AGT: variants seen among roughly 807,000 people sequenced by gnomAD.
AGT encodes angiotensinogen.
A neutral mutation model predicts 28.1 loss-of-function variants in AGT; 26 were observed. That is an observed-to-expected ratio of 0.92 (90% CI 0.68 to 1.28). The LOEUF (loss-of-function observed/expected upper bound fraction) is 1.28, where lower values mean the gene tolerates loss of function less well. Ranked by LOEUF, AGT falls within the 50% of genes most tolerant of loss-of-function variation. AGT has a pLI of 0.00. For missense variants in AGT, 596 were observed against 592.3 expected, an observed-to-expected ratio of 1.01 and a Z score of -0.06; for synonymous variants, 259 against 259.6, an observed-to-expected ratio of 1.00 and a Z score of 0.02.
At chr1:230,732,127 G>A (rs1476100323) in intron 1 of AGT, among the ~76,000 whole-genome samples, 7 of 151,950 alleles carry the variant, frequency 4.6e-5, no homozygotes, top group Admixed American at 3.3e-4. Flanking sequence ...CTTATGTGCT[G>A]GTTTATGTAC....
chr1:230,719,430 C>T (rs796739221), upstream of AGT, among the ~76,000 whole-genome samples: 1,708 of 67,644 alleles, frequency 0.025, 51 homozygotes, highest in African/African-American at 0.15. Context: ...TTTTTTGAGA[C>T]GGAGTCTCGC....
chr1:230,724,946 A>G (rs1663912657), intron 1 of AGT, among the ~76,000 whole-genome samples: 1 of 152,218 alleles, frequency 6.6e-6, no homozygotes, highest in Non-Finnish European at 1.5e-5. Context: ...GGATCTGGCC[A>G]TAAAAGAAAA....
chr1:230,736,424 C>G (rs1304180389), intron 1 of AGT, among the ~76,000 whole-genome samples: 1 of 152,030 alleles, frequency 6.6e-6, no homozygotes, highest in African/African-American at 2.4e-5. Context: ...GAGGCTGAGG[C>G]AGGAGAATGG....
At position 230,731,504 on chromosome 1, in the gene AGT, A is replaced by G. The variant is rs563658296; in HGVS notation, c.-31+14011T>C. Among the ~76,000 whole-genome samples, 16 of 152,236 alleles carry G rather than the reference A, an allele frequency of 1.1e-4. 1 individual carries two copies. The South Asian group carries it at 3.3e-3, about 32-fold the overall frequency. ...CGACCTGGCTGCTGCCCTTCTCTCTACAGCCTTGGACCATGCACCTCCTTG... is the reference window on the plus strand; with the variant it reads ...CGACCTGGCTGCTGCCCTTCTCTCTGCAGCCTTGGACCATGCACCTCCTTG... On this transcript the variant is annotated intron_variant, in intron 1 of 4. Transcript: ENST00000681269.
intron 1 of AGT, among the ~76,000 whole-genome samples, chr1:230,713,395 A>G (rs1663649448): frequency 6.6e-6 from 1 of 152,206 alleles, no homozygotes; most frequent in African/African-American, 2.4e-5. Context: ...ACTAGGACTC[A>G]GAACCAGGCC....
chr1:230,744,858 C>G (rs888109504), intron 1 of AGT, among the ~76,000 whole-genome samples: 3 of 152,144 alleles, frequency 2.0e-5, no homozygotes, highest in Admixed American at 6.5e-5. Flanking sequence ...ACTTCAAGGT[C>G]CTTTCTCAGT....
At chr1:230,704,483 T>G in intron 3 of AGT, 146 bp from the exon 4 acceptor site, 2 of 1,104,334 alleles carry the variant, frequency 1.8e-6, no homozygotes, top group Non-Finnish European at 2.6e-6. Flanking sequence ...ATCCTCCCCC[T>G]TGGGGAAAAT....
intron 1 of AGT, among the ~76,000 whole-genome samples, chr1:230,736,084 T>C (rs1425532512): frequency 3.9e-5 from 6 of 152,158 alleles, no homozygotes; most frequent in Admixed American, 6.5e-5. Flanking sequence ...TGAAAACACA[T>C]AGGCTGATTA....
intron 2 of AGT, 118 bp downstream of exon 2, chr1:230,709,877 T>C: frequency 6.8e-7 from 1 of 1,472,122 alleles, no homozygotes; most frequent in Admixed American, 1.7e-5. Context: ...TCAAGGGTGG[T>C]CACCAGGTAT....
In AGT at chr1:230,710,415, G is replaced by A; in HGVS notation, c.409C>T (p.Leu137Phe). The change falls in exon 2 of 5, where the codon CTC (leucine) becomes TTC (phenylalanine). Residue 137 changes from leucine (L) to phenylalanine (F), a missense_variant. Transcript: ENST00000366667. ...GTGTGGTCCAAGGCTCCCAGATAGA[G>A]AGAGGCCAGGGTGCCAAAGACAGCC... ...PTAVFGTLAS[L>F]YLGALDHTAD... 1 of 1,614,194 alleles carries A rather than the reference G, an allele frequency of 6.2e-7. No individual in the cohort carries two copies. Among genetic ancestry groups the A allele is most frequent in the Non-Finnish European group, 8.5e-7 (1 of 1,180,028 alleles).
chr1:230,723,254 T>C (rs1366174112), intron 1 of AGT, among the ~76,000 whole-genome samples: 1 of 152,118 alleles, frequency 6.6e-6, no homozygotes, highest in Non-Finnish European at 1.5e-5. Context: ...TGCAGAACTG[T>C]GAGCCAATTA....
intron 1 of AGT, among the ~76,000 whole-genome samples, chr1:230,742,322 C>CT (rs1664261414): frequency 6.6e-6 from 1 of 151,994 alleles, no homozygotes; most frequent in Non-Finnish European, 1.5e-5. Flanking sequence ...TTTCTTTTTT[C>CT]TTTTTCTTTT....
intron 1 of AGT, among the ~76,000 whole-genome samples, chr1:230,722,402 T>C (rs934887889): frequency 2.6e-5 from 4 of 152,318 alleles, no homozygotes; most frequent in East Asian, 1.9e-4. Context: ...AGAGTTGCCA[T>C]TGGGGCACTG....
At chr1:230,733,872 G>A (rs1312957629) in intron 1 of AGT, among the ~76,000 whole-genome samples, 2 of 151,946 alleles carry the variant, frequency 1.3e-5, no homozygotes, top group South Asian at 2.1e-4. Flanking sequence ...CTTCTGCGTG[G>A]AGACCATTTC....
At chr1:230,734,800 C>T (rs1274129687) in intron 1 of AGT, among the ~76,000 whole-genome samples, 1 of 152,054 alleles carries the variant, frequency 6.6e-6, no homozygotes, top group Non-Finnish European at 1.5e-5. Context: ...AGCTCCACCT[C>T]CCGGGTTCAT....
chr1:230,718,327 G>T (rs1663779005), upstream of AGT, among the ~76,000 whole-genome samples: 1 of 152,046 alleles, frequency 6.6e-6, no homozygotes, highest in African/African-American at 2.4e-5. Flanking sequence ...ATAGTAAAAT[G>T]ATTATGGTAG....
chr1:230,722,556 A>G lies in AGT; in HGVS notation c.-30-11703T>C, dbSNP rs140463859. On this transcript the variant is annotated intron_variant, in intron 1 of 4. Transcript: ENST00000681269. ...GCCAGGAAGGGGGCTGTGCCCTGCA[A>G]AACCACAGGGGTGGAGCTGCCCAAG... Among the ~76,000 whole-genome samples the G allele has an allele frequency of 3.8e-3, 573 of 152,342 alleles. 2 individuals carry two copies. Among genetic ancestry groups the G allele is most frequent in the African/African-American group, 0.013 (548 of 41,582 alleles).
Position 230,710,034 on chromosome 1 carries a change from C to T in AGT, c.790G>A (p.Asp264Asn), listed in dbSNP as rs894744940. 1 of 1,614,072 alleles carries T rather than the reference C, an allele frequency of 6.2e-7. No homozygotes were observed. The highest frequency in any genetic ancestry group is 8.5e-7 in the Non-Finnish European group (1 of 1,179,992). ...TGCSLMGASV[D>N]STLAFNTYVH... is the part of the protein sequence containing the mutation. ...TAGGTGTTGAAAGCCAGGGTGCTGT[C>T]CACACTGGCTCCCATCAGGGAGCAG... is the stretch of plus-strand genomic sequence containing the variant. The change falls in exon 2 of 5, where the codon GAC (aspartate) becomes AAC (asparagine). Residue 264 changes from aspartate (D) to asparagine (N), a missense_variant. Transcript: ENST00000366667.
At position 230,703,330 on chromosome 1, in the gene AGT, C is replaced by T. The variant is rs1663285545; in HGVS notation, c.1243-1G>A. ...GCTCAAAAAAAATGCTGTTCAGCACCTGCAAAGCAGCAGACATCAGGATCA... is the reference window on the plus strand; with the variant it reads ...GCTCAAAAAAAATGCTGTTCAGCACTTGCAAAGCAGCAGACATCAGGATCA... On this transcript the variant is annotated splice_acceptor_variant, in intron 4 of 4. Transcript: ENST00000366667. LOFTEE classifies it high-confidence loss of function. 6.2e-7 allele frequency: 1 copy of T among 1,614,230 alleles called. No individual in the cohort carries two copies. Among genetic ancestry groups the T allele is most frequent in the East Asian group, 2.2e-5 (1 of 44,890 alleles).
Sources: gnomAD v4.1 joint callset for allele counts (sites outside exome capture counted in the v4.1 genomes callset) on GRCh38, gnomAD v4.1.1 for gene constraint, MANE v1.5 for transcripts, NCBI Gene and HGNC (gene_info 2026-07-23, HGNC 2026-07-21) for gene names.